Variants in SLC9A9 observed in about 807,000 individuals in gnomAD.
The protein encoded by SLC9A9 is sodium/hydrogen exchanger 9.
SLC9A9 carries 62 observed loss-of-function variants against 77.8 expected under a neutral mutation model. That is an observed-to-expected ratio of 0.80 (90% CI 0.65 to 0.98). The LOEUF is 0.98. SLC9A9 is among the 50% of genes least tolerant of loss of function. The pLI is 0.00. For synonymous variants in SLC9A9, 320 were observed against 283.5 expected (o/e 1.13, Z -1.29); for missense variants, 775 against 774.9 (o/e 1.00, Z 0.00).
chr3:143,274,965 T>C (rs1321008768), intron 14 of SLC9A9, among the ~76,000 whole-genome samples: 1 of 152,236 alleles, frequency 6.6e-6, no homozygotes, highest in African/African-American at 2.4e-5. Flanking sequence ...CATTTAGTCC[T>C]AGCTAAATGA....
In SLC9A9 at chr3:143,319,271, A is replaced by G. The variant is rs1284381880; in HGVS notation, c.1604+44213T>C. 3.3e-5 allele frequency among the ~76,000 whole-genome samples: 5 copies of G among 152,340 alleles called. No homozygotes were observed. The East Asian group carries it at 5.8e-4, about 18-fold the overall frequency. On this transcript the variant is annotated intron_variant, in intron 14 of 15. Transcript: ENST00000316549. ...AAGGTGCGCCCCAAACAGCCAGGAC[A>G]CAGGCTTCCTGAGTTCTCTCCTGGG...
intron 6 of SLC9A9, among the ~76,000 whole-genome samples, chr3:143,596,556 G>A (rs182849152): frequency 6.6e-6 from 1 of 152,050 alleles, no homozygotes; most frequent in African/African-American, 2.4e-5. Context: ...TCAAGGATAT[G>A]GTCTATGGGA....
At chr3:143,556,702 C>G (rs1194588446) in intron 8 of SLC9A9, among the ~76,000 whole-genome samples, 2 of 152,220 alleles carry the variant, frequency 1.3e-5, no homozygotes, top group Non-Finnish European at 2.9e-5. Context: ...TCCACCAACT[C>G]TCTACCCAAT....
chr3:143,510,805 A>G (rs1034846072), intron 9 of SLC9A9, among the ~76,000 whole-genome samples: 1 of 152,160 alleles, frequency 6.6e-6, no homozygotes, highest in African/African-American at 2.4e-5. Context: ...TCCTGGGGTC[A>G]AACTTGTTAG....
chr3:143,715,067 C>A (rs1015545204), intron 4 of SLC9A9, among the ~76,000 whole-genome samples: 7 of 152,210 alleles, frequency 4.6e-5, no homozygotes, highest in African/African-American at 1.7e-4. Flanking sequence ...TTGCCTTCCA[C>A]CATGATTGTG....
chr3:143,712,746 G>A (rs971168149), intron 4 of SLC9A9, among the ~76,000 whole-genome samples: 2 of 152,216 alleles, frequency 1.3e-5, no homozygotes, highest in African/African-American at 2.4e-5. Context: ...GAACCAGTGA[G>A]TTGAGAAAGG....
chr3:143,473,790 C>A (rs1405802578), intron 11 of SLC9A9, among the ~76,000 whole-genome samples: 1 of 152,152 alleles, frequency 6.6e-6, no homozygotes. Flanking sequence ...ATACCCAGAA[C>A]ACAAAACTCT....
intron 14 of SLC9A9, among the ~76,000 whole-genome samples, chr3:143,353,842 TG>T (rs1559879966): frequency 6.6e-6 from 1 of 152,182 alleles, no homozygotes; most frequent in African/African-American, 2.4e-5. Context: ...ATTATTTTTC[TG>T]GGGGAAGAAA....
intron 4 of SLC9A9, among the ~76,000 whole-genome samples, chr3:143,732,849 A>C (rs1934840631): frequency 6.6e-6 from 1 of 152,212 alleles, no homozygotes; most frequent in Non-Finnish European, 1.5e-5. Flanking sequence ...TAAAAGTGGT[A>C]AAATAGAGCA....
chr3:143,457,322 C>T (rs2035112411), intron 12 of SLC9A9, among the ~76,000 whole-genome samples: 2 of 152,124 alleles, frequency 1.3e-5, no homozygotes, highest in Admixed American at 6.5e-5. Context: ...CTGGCCCCTC[C>T]TTTCATTTCT....
chr3:143,582,901 T>C (rs923407470), intron 6 of SLC9A9, among the ~76,000 whole-genome samples: 1 of 152,014 alleles, frequency 6.6e-6, no homozygotes, highest in South Asian at 2.1e-4. Flanking sequence ...AATCCCAGCA[T>C]TTTGGGAGGC....
chr3:143,731,431 G>T (rs1477149245), intron 4 of SLC9A9, among the ~76,000 whole-genome samples: 1 of 152,124 alleles, frequency 6.6e-6, no homozygotes, highest in Non-Finnish European at 1.5e-5. Context: ...TAGTGCTTCT[G>T]CTTAGCTATC....
intron 12 of SLC9A9, among the ~76,000 whole-genome samples, chr3:143,442,698 C>A (rs2034767152): frequency 6.6e-6 from 1 of 152,178 alleles, no homozygotes; most frequent in South Asian, 2.1e-4. Context: ...GCACTCCAGC[C>A]TGGGTGACAG....
intron 6 of SLC9A9, among the ~76,000 whole-genome samples, chr3:143,612,878 A>G (rs1209344189): frequency 6.6e-6 from 1 of 152,254 alleles, no homozygotes; most frequent in Non-Finnish European, 1.5e-5. Flanking sequence ...GAAGCATCTT[A>G]TAAACCTGAA....
intron 14 of SLC9A9, among the ~76,000 whole-genome samples, chr3:143,320,178 G>C (rs191437338): frequency 6.6e-6 from 1 of 152,200 alleles, no homozygotes; most frequent in Non-Finnish European, 1.5e-5. Flanking sequence ...ATGGTTCCAC[G>C]AGGGCAGGCC....
chr3:143,456,863 A>G (rs972623126), intron 12 of SLC9A9, among the ~76,000 whole-genome samples: 2 of 151,964 alleles, frequency 1.3e-5, no homozygotes, highest in African/African-American at 4.8e-5. Context: ...GTGCCTGGCC[A>G]ATTCTATATT....
intron 4 of SLC9A9, among the ~76,000 whole-genome samples, chr3:143,777,509 G>T (rs1345816878): frequency 1.3e-5 from 2 of 152,186 alleles, no homozygotes; most frequent in East Asian, 3.9e-4. Flanking sequence ...TATCTACCTA[G>T]TGATCTATCT....
At chr3:143,269,075 G>T in intron 14 of SLC9A9, 95 bp from the exon 15 acceptor site, 1 of 922,522 alleles carries the variant, frequency 1.1e-6, no homozygotes, top group Non-Finnish European at 1.8e-6. Flanking sequence ...AGCTACGTTT[G>T]CCTTTAAATC....
intron 4 of SLC9A9, among the ~76,000 whole-genome samples, chr3:143,728,922 A>G (rs950308518): frequency 1.3e-5 from 2 of 151,854 alleles, no homozygotes; most frequent in Non-Finnish European, 2.9e-5. Flanking sequence ...GAAAATGTCC[A>G]TTGGTTATGT....
Sources: allele counts gnomAD v4.1 joint callset (sites outside exome capture counted in the v4.1 genomes callset), GRCh38; gene constraint gnomAD v4.1.1; transcripts MANE v1.5; gene names NCBI Gene and HGNC (gene_info 2026-07-23, HGNC 2026-07-21).